The following CSMD1 variants were observed in gnomAD, a reference collection of about 807,000 sequenced individuals.
CSMD1 encodes the protein CUB and Sushi multiple domains 1.
A neutral mutation model predicts 417.5 loss-of-function variants in CSMD1; 213 were observed. The observed-to-expected ratio is 0.51, with a 90% CI of 0.46 to 0.57. The LOEUF (loss-of-function observed/expected upper bound fraction) is 0.57. Among genes scored for constraint, CSMD1 ranks in the 20% least tolerant of loss-of-function variants. The pLI, the probability that CSMD1 is intolerant of heterozygous loss-of-function variation, is 0.00. For missense variants in CSMD1, 6,923 were observed against 4,529.7 expected (o/e 1.53, Z -15.17); for synonymous variants, 2,862 against 1,736.8 (o/e 1.65, Z -16.11).
chr8:4,795,805 A>G lies in CSMD1; in HGVS notation c.86-158247T>C, dbSNP rs530621255. On this transcript the variant is annotated intron_variant, in intron 1 of 69. Transcript: ENST00000635120. ...ACTCTGAGTGCAATTCATAAATCACACTAAGTACTGTACTGAGGCAGCCCT... is the reference window on the plus strand; with the variant it reads ...ACTCTGAGTGCAATTCATAAATCACGCTAAGTACTGTACTGAGGCAGCCCT... 2.8e-3 allele frequency among the ~76,000 whole-genome samples: 424 copies of G among 152,212 alleles called. 1 individual carries two copies. Among genetic ancestry groups the G allele is most frequent in the African/African-American group, 9.8e-3 (405 of 41,528 alleles).
At chr8:4,062,422 C>G (rs1249794767) in intron 3 of CSMD1, among the ~76,000 whole-genome samples, 5 of 152,018 alleles carry the variant, frequency 3.3e-5, no homozygotes, top group South Asian at 2.1e-4. Flanking sequence ...CATACGTATT[C>G]TAGAAATTTT....
intron 7 of CSMD1, among the ~76,000 whole-genome samples, chr8:3,652,026 C>A (rs988852739): frequency 1.2e-4 from 17 of 145,864 alleles, no homozygotes. Context: ...ACCATCAGAG[C>A]ACTTACTACC....
chr8:4,137,774 A>G lies in CSMD1; in HGVS notation c.416-105675T>C, dbSNP rs528517781. The stretch of plus-strand genomic sequence containing the variant: ...TTACACTTTCCTAAATTTCTCAAGG[A>G]AAATCTAAGCCTTATAATCCAAATT... On this transcript the variant is annotated intron_variant, in intron 3 of 69. Coordinates refer to ENST00000635120, the MANE Select transcript of CSMD1 (RefSeq NM_033225.6). 3.0e-4 allele frequency among the ~76,000 whole-genome samples: 45 copies of G among 150,366 alleles called. 12 individuals carry two copies. The highest frequency in any genetic ancestry group is 5.3e-4 in the Non-Finnish European group (36 of 67,334).
At chr8:4,085,224 C>G (rs1434426054) in intron 3 of CSMD1, among the ~76,000 whole-genome samples, 2 of 152,104 alleles carry the variant, frequency 1.3e-5, no homozygotes, top group Non-Finnish European at 2.9e-5. Context: ...CATGAATCAT[C>G]TGATTGATTT....
chr8:4,350,993 G>C (rs1489502361), intron 3 of CSMD1, among the ~76,000 whole-genome samples: 1 of 152,088 alleles, frequency 6.6e-6, no homozygotes, highest in Admixed American at 6.6e-5. Flanking sequence ...TTGCCTCTCT[G>C]CTTAATCGAA....
chr8:3,784,357 T>C (rs1032532176), intron 5 of CSMD1, among the ~76,000 whole-genome samples: 3 of 152,110 alleles, frequency 2.0e-5, no homozygotes, highest in Non-Finnish European at 2.9e-5. Flanking sequence ...ATTGAAAAAA[T>C]GGAGAAAACA....
chr8:3,567,097 T>TAA (rs1203745328), intron 10 of CSMD1, among the ~76,000 whole-genome samples: 1 of 152,218 alleles, frequency 6.6e-6, no homozygotes, highest in African/African-American at 2.4e-5. Context: ...TGCAGCCATA[T>TAA]AAAAAGAATG....
At chr8:4,766,570 C>A (rs1328785050) in intron 1 of CSMD1, among the ~76,000 whole-genome samples, 1 of 152,228 alleles carries the variant, frequency 6.6e-6, no homozygotes, top group Non-Finnish European at 1.5e-5. Flanking sequence ...CTGCCCAAAT[C>A]TTGCCCAACA....
At chr8:3,695,202 A>T (rs905562837) in intron 7 of CSMD1, among the ~76,000 whole-genome samples, 6 of 152,042 alleles carry the variant, frequency 3.9e-5, no homozygotes, top group Non-Finnish European at 1.5e-5. Flanking sequence ...TCTGAAAACC[A>T]GGTTTATCTT....
intron 26 of CSMD1, among the ~76,000 whole-genome samples, chr8:3,234,063 A>C (rs949077575): frequency 6.6e-6 from 1 of 152,104 alleles, no homozygotes; most frequent in Non-Finnish European, 1.5e-5. Flanking sequence ...GTCTCCTATG[A>C]TATTTTCAAC....
intron 7 of CSMD1, among the ~76,000 whole-genome samples, chr8:3,695,292 G>C (rs564631532): frequency 2.6e-5 from 4 of 152,058 alleles, no homozygotes; most frequent in South Asian, 4.1e-4. Context: ...CCGCGATGCA[G>C]AATTTGCAAG....
In CSMD1 at chr8:4,680,183, A is replaced by G. The variant is rs186278539; in HGVS notation, c.86-42625T>C. 5.5e-3 allele frequency among the ~76,000 whole-genome samples: 845 copies of G among 152,328 alleles called. 9 individuals carry two copies. The highest frequency in any genetic ancestry group is 0.018 in the African/African-American group (742 of 41,570). On this transcript the variant is annotated intron_variant, in intron 1 of 69. Coordinates refer to ENST00000635120, the MANE Select transcript of CSMD1 (RefSeq NM_033225.6). ...TGTAGAATCAGACCTGTTCTTAGGA[A>G]TTTCTTCAGATCTAATTGTGTTCTG...
chr8:4,452,570 G>A (rs1390367896), intron 2 of CSMD1, among the ~76,000 whole-genome samples: 5 of 152,198 alleles, frequency 3.3e-5, no homozygotes, highest in South Asian at 2.1e-4. Context: ...TTTTTATCAA[G>A]AATATTAAAC....
chr8:3,697,189 A>G (rs1800600394), intron 7 of CSMD1, among the ~76,000 whole-genome samples: 1 of 152,208 alleles, frequency 6.6e-6, no homozygotes, highest in Non-Finnish European at 1.5e-5. Context: ...AGGCTAAATT[A>G]TCAAGTCTGG....
At chr8:4,827,689 T>C (rs1585169607) in intron 1 of CSMD1, among the ~76,000 whole-genome samples, 1 of 152,138 alleles carries the variant, frequency 6.6e-6, no homozygotes, top group Admixed American at 6.5e-5. Flanking sequence ...AAAACATCCA[T>C]TGAGTAGGTT....
Position 3,291,787 on chromosome 8 carries a change from T to G in CSMD1, c.3951-7441A>C, listed in dbSNP as rs1416750535. Among the ~76,000 whole-genome samples, 2 of 151,006 alleles carry G rather than the reference T, an allele frequency of 1.3e-5. 1 individual carries two copies. The highest frequency in any genetic ancestry group is 6.8e-3 in the Middle Eastern group (2 of 292). On this transcript the variant is annotated intron_variant, in intron 25 of 69. Transcript: ENST00000635120. ...CTGTCCAAAAAGTCAGCTCCTGGAT[T>G]CATTGACTTTTTTAAGGGTTTTTTG...
At chr8:4,865,000 A>AT (rs1400120646) in intron 1 of CSMD1, among the ~76,000 whole-genome samples, 1 of 151,190 alleles carries the variant, frequency 6.6e-6, no homozygotes, top group Non-Finnish European at 1.5e-5. Context: ...ATTTAGTCTG[A>AT]TTTTTTAAAT....
chr8:4,403,657 C>G (rs1332410060), intron 3 of CSMD1, among the ~76,000 whole-genome samples: 1 of 152,156 alleles, frequency 6.6e-6, no homozygotes, highest in Non-Finnish European at 1.5e-5. Context: ...TTGTTTTCAT[C>G]TCTCTAGAGT....
chr8:4,025,590 G>A (rs1456239850), intron 4 of CSMD1, among the ~76,000 whole-genome samples: 2 of 152,128 alleles, frequency 1.3e-5, no homozygotes, highest in East Asian at 1.9e-4. Flanking sequence ...AAGTGAAACA[G>A]TAAATCCTTT....
Sources: gnomAD v4.1 joint callset for allele counts (sites outside exome capture counted in the v4.1 genomes callset) on GRCh38, gnomAD v4.1.1 for gene constraint, MANE v1.5 for transcripts, NCBI Gene and HGNC (gene_info 2026-07-23, HGNC 2026-07-21) for gene names.